Variants in NKAIN3 observed in about 807,000 individuals in gnomAD.
NKAIN3 encodes the protein sodium/potassium-transporting ATPase subunit beta-1-interacting protein 3.
NKAIN3 carries 25 observed loss-of-function variants against 30.2 expected under a neutral mutation model. The ratio of observed to expected loss-of-function variants is 0.83; its 90% CI spans 0.60 to 1.16. NKAIN3 has a LOEUF of 1.16. Ranked by LOEUF, NKAIN3 falls within the 50% of genes most tolerant of loss-of-function variation. The pLI is 0.00. For missense variants in NKAIN3, 225 were observed against 254.1 expected (o/e 0.89, Z 0.78); for synonymous variants, 91 against 89.6 (o/e 1.02, Z -0.09).
chr8:62,934,439 A>C lies in NKAIN3; in HGVS notation c.532+15926A>C, dbSNP rs137905112. Among the ~76,000 whole-genome samples, 119 of 152,176 alleles carry C rather than the reference A, an allele frequency of 7.8e-4. No homozygotes were observed. In the East Asian group the frequency reaches 0.01, roughly 13 times the overall value. On this transcript the variant is annotated intron_variant, in intron 5 of 6. Transcript: ENST00000623646. ...AACTTATTTTTTCCAAATGTGAGAA[A>C]ATCAACACAAAAAAGTTTTTATCTG...
At chr8:62,340,980 G>A (rs776050955) in intron 1 of NKAIN3, among the ~76,000 whole-genome samples, 2 of 152,030 alleles carry the variant, frequency 1.3e-5, no homozygotes, top group Non-Finnish European at 2.9e-5. Context: ...TGTATTTTAT[G>A]TGCTGCCCAT....
intron 1 of NKAIN3, among the ~76,000 whole-genome samples, chr8:62,539,320 A>G (rs1167460786): frequency 6.6e-6 from 1 of 152,246 alleles, no homozygotes; most frequent in Admixed American, 6.5e-5. Context: ...AAATGCAAAC[A>G]TCCAAAACAA....
intron 3 of NKAIN3, among the ~76,000 whole-genome samples, chr8:62,599,112 A>G (rs1810917665): frequency 6.6e-6 from 1 of 152,080 alleles, no homozygotes; most frequent in African/African-American, 2.4e-5. Context: ...AGTAATGTAT[A>G]TTCTCATGGG....
intron 4 of NKAIN3, among the ~76,000 whole-genome samples, chr8:62,844,106 A>G (rs1393871636): frequency 6.6e-6 from 1 of 152,172 alleles, no homozygotes; most frequent in Non-Finnish European, 1.5e-5. Flanking sequence ...GTAGTTGCCA[A>G]TGCAAAAGCT....
chr8:62,637,004 A>C (rs1003197982), intron 3 of NKAIN3, among the ~76,000 whole-genome samples: 1 of 152,146 alleles, frequency 6.6e-6, no homozygotes, highest in Admixed American at 6.5e-5. Flanking sequence ...TCCATTTCAC[A>C]TGTATAACTA....
At chr8:62,402,254 C>T (rs1429505210) in intron 1 of NKAIN3, among the ~76,000 whole-genome samples, 1 of 152,162 alleles carries the variant, frequency 6.6e-6, no homozygotes, top group Non-Finnish European at 1.5e-5. Context: ...TATTCAAGCC[C>T]CAAGGGCTTT....
intron 1 of NKAIN3, among the ~76,000 whole-genome samples, chr8:62,451,571 AT>A (rs1255579140): frequency 6.6e-6 from 1 of 152,202 alleles, no homozygotes; most frequent in Non-Finnish European, 1.5e-5. Flanking sequence ...TAATGGTAGC[AT>A]CTATGCTAAA....
At chr8:62,828,779 T>C (rs1032671846) in intron 4 of NKAIN3, among the ~76,000 whole-genome samples, 2 of 152,100 alleles carry the variant, frequency 1.3e-5, no homozygotes, top group African/African-American at 4.8e-5. Context: ...GCCACCATGC[T>C]GTGAGAAAGG....
intron 1 of NKAIN3, among the ~76,000 whole-genome samples, chr8:62,459,952 C>T (rs1161104292): frequency 6.6e-6 from 1 of 152,142 alleles, no homozygotes; most frequent in Admixed American, 6.5e-5. Context: ...AGGGAAGTAA[C>T]ATGACATGAC....
intron 3 of NKAIN3, among the ~76,000 whole-genome samples, chr8:62,639,641 G>C (rs749286975): frequency 2.0e-5 from 3 of 152,124 alleles, no homozygotes; most frequent in Admixed American, 6.6e-5. Flanking sequence ...CCTTGCAAAA[G>C]AGAGGGGAAA....
intron 5 of NKAIN3, among the ~76,000 whole-genome samples, chr8:62,934,180 C>T (rs1563634789): frequency 1.3e-5 from 2 of 152,028 alleles, no homozygotes; most frequent in Non-Finnish European, 1.5e-5. Flanking sequence ...AGGCCAGAAG[C>T]TTGAGACCAG....
intron 4 of NKAIN3, among the ~76,000 whole-genome samples, chr8:62,827,360 C>T (rs939162537): frequency 1.3e-5 from 2 of 152,048 alleles, no homozygotes; most frequent in African/African-American, 4.8e-5. Flanking sequence ...GTCAAGTGTG[C>T]CAGGGAAAAA....
At chr8:62,888,564 C>T (rs1821214412) in intron 4 of NKAIN3, among the ~76,000 whole-genome samples, 1 of 152,198 alleles carries the variant, frequency 6.6e-6, no homozygotes, top group African/African-American at 2.4e-5. Context: ...TGCCCTGCAA[C>T]CTTACTTCTC....
At chr8:62,759,283 C>T (rs1390065968) in intron 4 of NKAIN3, among the ~76,000 whole-genome samples, 1 of 152,062 alleles carries the variant, frequency 6.6e-6, no homozygotes, top group African/African-American at 2.4e-5. Flanking sequence ...AGTGTGAAAA[C>T]TTGCTAAATT....
At chr8:62,455,298 A>G (rs1259490622) in intron 1 of NKAIN3, among the ~76,000 whole-genome samples, 1 of 152,230 alleles carries the variant, frequency 6.6e-6, no homozygotes, top group East Asian at 1.9e-4. Flanking sequence ...TTGGATAAAG[A>G]AAGTGCGGTT....
At chr8:62,800,556 A>G (rs1818021552) in intron 4 of NKAIN3, among the ~76,000 whole-genome samples, 1 of 152,192 alleles carries the variant, frequency 6.6e-6, no homozygotes, top group Admixed American at 6.5e-5. Flanking sequence ...TGCACCTTCC[A>G]GGGATTTTCT....
At chr8:62,914,043 C>T (rs186164795) in intron 4 of NKAIN3, among the ~76,000 whole-genome samples, 94 of 152,208 alleles carry the variant, frequency 6.2e-4, no homozygotes, top group African/African-American at 2.1e-3. Context: ...GACATGCACG[C>T]CTATGTTTAT....
At chr8:62,276,591 C>T (rs977148160) in intron 1 of NKAIN3, among the ~76,000 whole-genome samples, 8 of 152,250 alleles carry the variant, frequency 5.3e-5, no homozygotes, top group East Asian at 1.9e-4. Flanking sequence ...AATGTACCTA[C>T]GTATTTGGTT....
At chr8:62,841,613 A>G (rs1819534079) in intron 4 of NKAIN3, among the ~76,000 whole-genome samples, 1 of 152,172 alleles carries the variant, frequency 6.6e-6, no homozygotes, top group Non-Finnish European at 1.5e-5. Context: ...ACTTAGCATA[A>G]CATCTGCTAG....
Sources: allele counts gnomAD v4.1 joint callset (sites outside exome capture counted in the v4.1 genomes callset), GRCh38; gene constraint gnomAD v4.1.1; transcripts MANE v1.5; gene names NCBI Gene and HGNC (gene_info 2026-07-23, HGNC 2026-07-21).